Variants in CELSR1 observed in about 807,000 individuals in gnomAD.
CELSR1 encodes adhesion G protein-coupled receptor C1.
A neutral mutation model predicts 249.1 loss-of-function variants in CELSR1; 110 were observed. That is an observed-to-expected ratio of 0.44 (90% CI 0.38 to 0.52). CELSR1 has a LOEUF of 0.52. Ranked by LOEUF, CELSR1 falls within the 20% of genes least tolerant of loss-of-function variation. The pLI is 0.00. For synonymous variants in CELSR1, 2,113 were observed against 1,900.0 expected (o/e 1.11, Z -2.92); for missense variants, 4,109 against 4,296.4 (o/e 0.96, Z 1.22).
Position 46,441,933 on chromosome 22 carries a change from G to C in CELSR1, c.4184-2522C>G, listed in dbSNP as rs1425778390. 6.6e-6 allele frequency among the ~76,000 whole-genome samples: 1 copy of C among 152,196 alleles called. No homozygotes were observed. Among genetic ancestry groups the C allele is most frequent in the Non-Finnish European group, 1.5e-5 (1 of 68,028 alleles). ...GGAGGCTGAGGCGGGTAGATTACCA[G>C]AGGTCGAGAGTTCAAGACCAGCCTA... On this transcript the variant is annotated intron_variant, in intron 2 of 34. Coordinates refer to ENST00000674500, the MANE Select transcript of CELSR1 (RefSeq NM_001378328.1). The surrounding 1 kb of genome is among the most constrained non-coding windows in gnomAD (Gnocchi z 6.1).
At chr22:46,516,318 G>A (rs1295502013) in intron 1 of CELSR1, among the ~76,000 whole-genome samples, 1 of 152,100 alleles carries the variant, frequency 6.6e-6, no homozygotes, top group Non-Finnish European at 1.5e-5. Flanking sequence ...GGACATGGAT[G>A]AAGCTGGAAA....
intron 1 of CELSR1, among the ~76,000 whole-genome samples, chr22:46,525,743 C>A (rs563815558): frequency 6.6e-6 from 1 of 152,370 alleles, no homozygotes; most frequent in African/African-American, 2.4e-5. Flanking sequence ...AAGGTGGCCG[C>A]TGCCAGGGGC....
At position 46,367,808 on chromosome 22, in the gene CELSR1, G is replaced by A. The variant is rs781221913; in HGVS notation, c.8000C>T (p.Thr2667Ile). 3 of 1,611,976 alleles carry A rather than the reference G, an allele frequency of 1.9e-6. No individual in the cohort carries two copies. The highest frequency in any genetic ancestry group is 2.5e-6 in the Non-Finnish European group (3 of 1,179,762). Residue 2667 changes from threonine (T) to isoleucine (I), a missense_variant, in exon 28 of 35, where the codon ACC (threonine) becomes ATC (isoleucine). By Grantham distance (89) the Thr-to-Ile change is moderately conservative. This residue lies in a region of CELSR1 where 1,805 missense variants were observed against 1,831.6 expected (regional missense o/e 0.99). Transcript: ENST00000674500. ...CACAGCCAGCAGCCCCAGCAGCCAG[G>A]TGGCGCTGATGAGCAGCAGCAGGAG... The part of the protein sequence containing the change: ...AFLLLLLISA[T>I]WLLGLLAVNR...
At chr22:46,510,272 GT>G (rs2080559458) in intron 1 of CELSR1, among the ~76,000 whole-genome samples, 2 of 152,152 alleles carry the variant, frequency 1.3e-5, no homozygotes, top group Non-Finnish European at 2.9e-5. Context: ...GAAATATCTA[GT>G]TGCTCAGCTC....
rs1398931405 is a variant in CELSR1 at position 46,527,828 on chromosome 22, G to C, written c.3544+5799C>G. 6.6e-6 allele frequency among the ~76,000 whole-genome samples: 1 copy of C among 152,218 alleles called. No homozygotes were observed. The highest frequency in any genetic ancestry group is 1.5e-5 in the Non-Finnish European group (1 of 68,048). On this transcript the variant is annotated intron_variant, in intron 1 of 34. Coordinates refer to ENST00000674500, the MANE Select transcript of CELSR1 (RefSeq NM_001378328.1). This position sits in a 1 kb window ranked among gnomAD's most constrained non-coding sequence, Gnocchi z 5.5. The stretch of plus-strand genomic sequence containing the variant: ...GGTCCGACCCAGGCTGGGAGCGGTG[G>C]CTCACGCCTGTAATCCCAGCATTTT...
At chr22:46,502,521 A>G (rs66845685) in intron 1 of CELSR1, among the ~76,000 whole-genome samples, 77,942 of 144,500 alleles carry the variant, frequency 0.54, 21,944 homozygotes, top group East Asian at 0.85. Context: ...AGGGAGGGAA[A>G]GACGCAGAAA....
chr22:46,535,379 C>G lies in CELSR1; in HGVS notation c.1792G>C (p.Ala598Pro). 1 of 1,611,380 alleles carries G rather than the reference C, an allele frequency of 6.2e-7. No homozygotes were observed. The highest frequency in any genetic ancestry group is 8.5e-7 in the Non-Finnish European group (1 of 1,179,336). ...TCCACCAGGCGATAGTGCAGCCGGG[C>G]GTTCTCTCCAGAGTCCGCGTCCACC... ...QAVDADSGEN[A>P]RLHYRLVDTA... Residue 598 changes from alanine (A) to proline (P), a missense_variant, in exon 1 of 35, where the codon GCC becomes CCC. Physicochemically the swap from Ala to Pro is conservative, Grantham distance 27. This residue lies in a region of CELSR1 where 886 missense variants were observed against 896.5 expected (regional missense o/e 0.99). Transcript: ENST00000674500.
In CELSR1 at chr22:46,464,041, C is replaced by T. The variant is rs1400685895; in HGVS notation, c.3849G>A (p.Gln1283=). 1 of 1,613,818 alleles carries T rather than the reference C, an allele frequency of 6.2e-7. No individual in the cohort carries two copies. Among genetic ancestry groups the T allele is most frequent in the Non-Finnish European group, 8.5e-7 (1 of 1,180,050 alleles). ...TCAGCAGCGTCCGATTCAGGTAGAT[C>T]TGCTCCTGCAGGTCCTCCGACGGGA... ...QFFPSEDLQE[Q]IYLNRTLLTT... is the part of the protein sequence containing the mutation. The change falls in exon 2 of 35, where the codon CAG becomes CAA. Residue 1283 remains glutamine, a synonymous_variant. Coordinates refer to ENST00000674500, the MANE Select transcript of CELSR1 (RefSeq NM_001378328.1). This position sits in a 1 kb window ranked among gnomAD's most constrained non-coding sequence, Gnocchi z 8.5.
Position 46,436,368 on chromosome 22 carries a change from G to A in CELSR1, c.4407-79C>T, listed in dbSNP as rs573809374. ...CTGCCTAGGAATGACAAGTCCAGCCGGAGGAGGGCAAGCACGTGGGGCTAC... is the reference window on the plus strand; with the variant it reads ...CTGCCTAGGAATGACAAGTCCAGCCAGAGGAGGGCAAGCACGTGGGGCTAC... On this transcript the variant is annotated intron_variant, in intron 3 of 34. Coordinates refer to ENST00000674500, the MANE Select transcript of CELSR1 (RefSeq NM_001378328.1). The surrounding 1 kb of genome is among the most constrained non-coding windows in gnomAD (Gnocchi z 5.9). 6.0e-5 allele frequency: 63 copies of A among 1,046,798 alleles called. 1 individual carries two copies. Among genetic ancestry groups the A allele is most frequent in the African/African-American group, 2.4e-4 (15 of 63,648 alleles). The allele number at this position is 1,046,798 out of a possible 1,614,324, so 64.8% of individuals were successfully genotyped here. A position where few individuals can be genotyped will look rare whatever the true frequency, so the allele number is the denominator to read the frequency against.
chr22:46,487,843 G>A (rs1285446484), intron 1 of CELSR1, among the ~76,000 whole-genome samples: 1 of 144,356 alleles, frequency 6.9e-6, no homozygotes, highest in Non-Finnish European at 1.5e-5. Context: ...TGGGAAGAAG[G>A]GAGTCCAGGG....
intron 14 of CELSR1, among the ~76,000 whole-genome samples, chr22:46,392,064 G>A (rs534788812): frequency 3.3e-5 from 5 of 152,372 alleles, no homozygotes; most frequent in Admixed American, 2.6e-4. Context: ...GTCTTAACAA[G>A]TCTCAACAGT....
At chr22:46,479,983 C>A (rs1285098861) in intron 1 of CELSR1, among the ~76,000 whole-genome samples, 3 of 152,076 alleles carry the variant, frequency 2.0e-5, no homozygotes, top group Non-Finnish European at 4.4e-5. Context: ...AGGCAATGCT[C>A]GGTTTAGGTC....
At position 46,394,225 on chromosome 22, in the gene CELSR1, G is replaced by A. The variant is rs771811711; in HGVS notation, c.5881C>T (p.Pro1961Ser). The A allele has an allele frequency of 2.5e-6, 4 of 1,613,950 alleles. No homozygotes were observed. The highest frequency in any genetic ancestry group is 2.2e-5 in the East Asian group (1 of 44,888). ...LPCPRGWWGN[P>S]VCGPCHCAVS... is the part of the protein sequence containing the mutation. The stretch of plus-strand genomic sequence containing the variant: ...GCACAGTGGCAGGGTCCACAGACGG[G>A]GTTCCCCCACCAGCCTCTGGGGCAC... Residue 1961 changes from proline to serine, a missense_variant, in exon 14 of 35, where the codon CCC becomes TCC. Around this residue, in one of 7 missense-constraint regions of CELSR1, gnomAD observed 1,805 missense variants for 1,831.6 expected, o/e 0.99. Transcript: ENST00000674500.
At chr22:46,470,390 G>A (rs893724041) in intron 1 of CELSR1, among the ~76,000 whole-genome samples, 1 of 151,896 alleles carries the variant, frequency 6.6e-6, no homozygotes, top group African/African-American at 2.4e-5. Context: ...TTGGGAGGAG[G>A]CTCCAGCACT....
intron 2 of CELSR1, among the ~76,000 whole-genome samples, chr22:46,444,138 C>G (rs758342349): frequency 6.6e-6 from 1 of 152,238 alleles, no homozygotes. Context: ...ATGACCTCCA[C>G]GTAGCTTCCC....
chr22:46,420,211 T>A (rs2079451491), intron 5 of CELSR1, among the ~76,000 whole-genome samples: 1 of 148,878 alleles, frequency 6.7e-6, no homozygotes, highest in African/African-American at 2.5e-5. Context: ...CCCACACTCG[T>A]ACATACCCAC....
In CELSR1 at chr22:46,406,404, G is replaced by A. The variant is rs774283917; in HGVS notation, c.5226+2592C>T. ...GAGGTCTGTGCTGGAAAATGCTCCC[G>A]AGCTGTGATGGGGAGGAACAGGAGG... On this transcript the variant is annotated intron_variant, in intron 9 of 34. Coordinates refer to ENST00000674500, the MANE Select transcript of CELSR1 (RefSeq NM_001378328.1). The surrounding 1 kb of genome is among the most constrained non-coding windows in gnomAD (Gnocchi z 5.4). 2.5e-4 allele frequency among the ~76,000 whole-genome samples: 38 copies of A among 152,306 alleles called. No individual in the cohort carries two copies. Among genetic ancestry groups the A allele is most frequent in the Admixed American group, 1.6e-3 (25 of 15,302 alleles).
chr22:46,501,559 C>T (rs1482481463), intron 1 of CELSR1, among the ~76,000 whole-genome samples: 2 of 152,102 alleles, frequency 1.3e-5, no homozygotes, highest in Admixed American at 6.6e-5. Context: ...GAGACCTTTT[C>T]GTGAAGTGGC....
chr22:46,448,084 C>A lies in CELSR1; in HGVS notation c.4184-8673G>T, dbSNP rs1230632448. 6.6e-6 allele frequency among the ~76,000 whole-genome samples: 1 copy of A among 152,214 alleles called. No individual in the cohort carries two copies. Among genetic ancestry groups the A allele is most frequent in the East Asian group, 1.9e-4 (1 of 5,200 alleles). On this transcript the variant is annotated intron_variant, in intron 2 of 34. Coordinates refer to ENST00000674500, the MANE Select transcript of CELSR1 (RefSeq NM_001378328.1). The surrounding 1 kb of genome is among the most constrained non-coding windows in gnomAD (Gnocchi z 5.7). The stretch of plus-strand genomic sequence containing the variant: ...GAGACCCTAGCACCAAAGCCATCAA[C>A]CCTTGGCCTAAGGGGCTTCCAGAAA...
Sources: allele counts gnomAD v4.1 joint callset (sites outside exome capture counted in the v4.1 genomes callset), GRCh38; gene constraint gnomAD v4.1.1; regional missense constraint gnomAD v4.1.1; non-coding constraint Gnocchi (gnomAD v3.1); transcripts MANE v1.5; gene names NCBI Gene and HGNC (gene_info 2026-07-23, HGNC 2026-07-21).